The following TTC39C variants were observed in gnomAD, a reference collection of about 807,000 sequenced individuals.
TTC39C encodes tetratricopeptide repeat protein 39C.
In TTC39C, 33 loss-of-function variants were observed where a neutral mutation model predicts 76.3. The ratio of observed to expected loss-of-function variants is 0.43; its 90% confidence interval spans 0.33 to 0.58. TTC39C has a LOEUF of 0.58. TTC39C is among the 20% of genes least tolerant of loss of function. TTC39C has a pLI of 0.04. For missense variants in TTC39C, 595 were observed against 701.4 expected (o/e 0.85, Z 1.71); for synonymous variants, 254 against 260.6 (o/e 0.97, Z 0.24).
At chr18:24,125,634 A>G in intron 10 of TTC39C, 84 bp downstream of exon 10, 2 of 1,553,152 alleles carry the variant, frequency 1.3e-6, no homozygotes, top group South Asian at 2.3e-5. Flanking sequence ...TTTCCCGTTT[A>G]TTTCATGTTT....
intron 1 of TTC39C, among the ~76,000 whole-genome samples, chr18:24,016,458 A>T (rs2083455872): frequency 6.6e-6 from 1 of 152,192 alleles, no homozygotes; most frequent in Non-Finnish European, 1.5e-5. Flanking sequence ...TGAGAGAAGG[A>T]TGGAGATAGT....
intron 6 of TTC39C, among the ~76,000 whole-genome samples, chr18:24,103,680 A>G (rs1300976282): frequency 7.2e-5 from 11 of 152,164 alleles, no homozygotes; most frequent in Non-Finnish European, 1.3e-4. Flanking sequence ...TAGGAATTTC[A>G]GAGGCCACTT....
At chr18:24,017,454 A>T (rs2083467031) in intron 1 of TTC39C, among the ~76,000 whole-genome samples, 1 of 152,212 alleles carries the variant, frequency 6.6e-6, no homozygotes, top group African/African-American at 2.4e-5. Context: ...GGCCCCGACT[A>T]AGTGTAAGCA....
chr18:23,997,362 C>T (rs999470700), intron 1 of TTC39C, among the ~76,000 whole-genome samples: 6 of 151,976 alleles, frequency 3.9e-5, no homozygotes, highest in Admixed American at 3.9e-4. Flanking sequence ...ACCAGCCTGG[C>T]CAACATGGCA....
At chr18:24,008,960 A>G (rs1213356188) in intron 1 of TTC39C, among the ~76,000 whole-genome samples, 5 of 152,190 alleles carry the variant, frequency 3.3e-5, no homozygotes, top group Non-Finnish European at 7.3e-5. Context: ...CAGAAAACCA[A>G]ACACCACATG....
chr18:24,065,958 C>T lies in TTC39C; in HGVS notation c.217-54C>T, dbSNP rs1489920599. 11 of 1,483,320 alleles carry T rather than the reference C, an allele frequency of 7.4e-6. No individual in the cohort carries two copies. The Admixed American group carries it at 2.9e-4, about 39-fold the overall frequency. 91.9% of individuals were successfully genotyped at this position (1,483,320 alleles called of 1,614,324 possible). On this transcript the variant is annotated intron_variant, in intron 2 of 13. Transcript: ENST00000317571. ...TTGGAGTTTTCTTGTAATAAGTTGG[C>T]TTAAATTTTCAGATACTAATTCATT...
chr18:24,001,866 C>G (rs1297637933), intron 1 of TTC39C, among the ~76,000 whole-genome samples: 2 of 130,064 alleles, frequency 1.5e-5, no homozygotes, highest in African/African-American at 6.2e-5. Context: ...CGCTCTGTGG[C>G]CCAGGCGGGA....
intron 10 of TTC39C, 134 bp downstream of exon 10, chr18:24,125,684 A>G: frequency 8.8e-7 from 1 of 1,134,020 alleles, no homozygotes; most frequent in Non-Finnish European, 1.2e-6. Context: ...CTCTCCTTAG[A>G]TAGAGGGTGT....
intron 1 of TTC39C, among the ~76,000 whole-genome samples, chr18:24,054,192 A>C (rs2083987195): frequency 6.6e-6 from 1 of 152,154 alleles, no homozygotes; most frequent in South Asian, 2.1e-4. Context: ...CCTTGTGCTA[A>C]GGGTGCTCTG....
At chr18:24,119,426 T>C (rs954472528) in intron 8 of TTC39C, among the ~76,000 whole-genome samples, 3 of 152,264 alleles carry the variant, frequency 2.0e-5, no homozygotes, top group Admixed American at 6.5e-5. Context: ...TCAGATTTAA[T>C]GACCATCTTC....
intron 1 of TTC39C, among the ~76,000 whole-genome samples, chr18:24,054,391 A>G (rs2083990289): frequency 6.6e-6 from 1 of 152,244 alleles, no homozygotes; most frequent in African/African-American, 2.4e-5. Context: ...CAAGTAAATC[A>G]ACTTAAATGA....
chr18:24,073,390 C>T (rs960832069), intron 4 of TTC39C, among the ~76,000 whole-genome samples: 23 of 152,176 alleles, frequency 1.5e-4, no homozygotes, highest in Admixed American at 1.4e-3. Context: ...CCTGAATACC[C>T]GCTGCTGCCT....
chr18:24,068,851 ATTG>A (rs2084202207), intron 3 of TTC39C, among the ~76,000 whole-genome samples: 1 of 152,150 alleles, frequency 6.6e-6, no homozygotes, highest in African/African-American at 2.4e-5. Context: ...AAGACTTCAT[ATTG>A]TTTGTTTTTA....
Position 24,082,953 on chromosome 18 carries a change from T to G in TTC39C, c.856T>G (p.Phe286Val). 6.2e-7 allele frequency: 1 copy of G among 1,614,042 alleles called. No homozygotes were observed. The highest frequency in any genetic ancestry group is 8.5e-7 in the Non-Finnish European group (1 of 1,179,952). Residue 286 changes from phenylalanine to valine, a missense_variant, in exon 6 of 14, where the codon TTT becomes GTT. Coordinates refer to ENST00000317571, the MANE Select transcript of TTC39C (RefSeq NM_001135993.2). Reference sequence around the variant, plus strand: ...GTATCATACTGTAGTCCGCCCGTTTTTTGCCTTGGATGGCAGTGATAACAA... The same window carrying G: ...GTATCATACTGTAGTCCGCCCGTTTGTTGCCTTGGATGGCAGTGATAACAA... ...LWYHTVVRPF[F>V]ALDGSDNKAG...
At chr18:24,091,017 G>C (rs903948614) in intron 6 of TTC39C, among the ~76,000 whole-genome samples, 1 of 152,050 alleles carries the variant, frequency 6.6e-6, no homozygotes, top group Admixed American at 6.6e-5. Flanking sequence ...ACGTTGGCCA[G>C]GCTGTTTTCG....
At chr18:24,122,809 G>T (rs143438895) in intron 8 of TTC39C, among the ~76,000 whole-genome samples, 4 of 152,128 alleles carry the variant, frequency 2.6e-5, no homozygotes, top group Admixed American at 1.3e-4. Context: ...TCAAGACTCC[G>T]CTCGACTTCT....
rs1300047834 is a variant in TTC39C at position 24,066,149 on chromosome 18, T to G, written c.345+9T>G. On this transcript the variant is annotated intron_variant, in intron 3 of 13. Coordinates refer to ENST00000317571, the MANE Select transcript of TTC39C (RefSeq NM_001135993.2). ...ATAAAATTAAGAAGAACGTAAGTAT[T>G]GCGGCTTTAGGTTGTGGACTGTGTG... The G allele has an allele frequency of 6.3e-7, 1 of 1,594,788 alleles. No individual in the cohort carries two copies. Among genetic ancestry groups the G allele is most frequent in the Non-Finnish European group, 8.5e-7 (1 of 1,175,110 alleles).
chr18:24,035,435 A>G (rs2083719848), intron 1 of TTC39C, among the ~76,000 whole-genome samples: 1 of 152,238 alleles, frequency 6.6e-6, no homozygotes, highest in Non-Finnish European at 1.5e-5. Flanking sequence ...CAGTTTTTCC[A>G]CATCCTTGCC....
intron 1 of TTC39C, among the ~76,000 whole-genome samples, chr18:24,022,199 G>A (rs2083525282): frequency 1.3e-5 from 2 of 152,098 alleles, no homozygotes; most frequent in South Asian, 2.1e-4. Flanking sequence ...GGTATCCGCC[G>A]GGGGTCCTGG....
Sources: gnomAD v4.1 joint callset for allele counts (sites outside exome capture counted in the v4.1 genomes callset) on GRCh38, gnomAD v4.1.1 for gene constraint, MANE v1.5 for transcripts, NCBI Gene and HGNC (gene_info 2026-07-23, HGNC 2026-07-21) for gene names.